RNF32: variants seen among roughly 807,000 people sequenced by gnomAD.
RNF32 encodes the protein ring finger protein 32.
In RNF32, 36 loss-of-function variants were observed where a neutral mutation model predicts 41.0. That is an observed-to-expected ratio of 0.88 (90% CI 0.67 to 1.16). RNF32 has a LOEUF of 1.16. RNF32 is among the 50% of genes most tolerant of loss of function. The pLI is 0.00. For missense variants in RNF32, 413 were observed against 436.7 expected (o/e 0.95, Z 0.48); for synonymous variants, 154 against 160.9 (o/e 0.96, Z 0.32).
At chr7:156,654,526 C>T in intron 3 of RNF32, 50 bp from the exon 4 acceptor site, 1 of 1,546,814 alleles carries the variant, frequency 6.5e-7, no homozygotes. Flanking sequence ...TAGGTGGGTG[C>T]CATATGCTAA....
chr7:156,655,360 T>C (rs1372104883), intron 4 of RNF32, among the ~76,000 whole-genome samples: 1 of 152,150 alleles, frequency 6.6e-6, no homozygotes, highest in Non-Finnish European at 1.5e-5. Context: ...AACTAAACTA[T>C]TGTCCCCTGA....
upstream of RNF32, chr7:156,640,540 G>A (rs2131293927): frequency 2.6e-6 from 1 of 382,538 alleles, no homozygotes; most frequent in South Asian, 1.9e-5. Flanking sequence ...ACGCACCTGC[G>A]TCTAGACGCT....
rs1371419088 is a variant in RNF32 at position 156,644,578 on chromosome 7, G to C, written c.95G>C (p.Arg32Pro). 2.5e-6 allele frequency: 4 copies of C among 1,612,430 alleles called. No homozygotes were observed. The highest frequency in any genetic ancestry group is 1.7e-4 in the Middle Eastern group (1 of 5,958). ...QDHILHDLQL[R>P]NLSVADHSKT... ...CACATTTTACATGATCTTCAACTTC[G>C]AAATCTTTCAGTTGCAGATCATTCT... Residue 32 changes from arginine to proline, a missense_variant, in exon 3 of 9, where the codon CGA (arginine) becomes CCA (proline). Physicochemically the swap from Arg to Pro is moderately radical, Grantham distance 103. Coordinates refer to ENST00000317955, the MANE Select transcript of RNF32 (RefSeq NM_030936.4).
chr7:156,676,139 G>A, intron 8 of RNF32: 3 of 971,288 alleles, frequency 3.1e-6, no homozygotes, highest in Non-Finnish European at 4.4e-6. Context: ...TGACGGCAAA[G>A]GTCCCTTCAG....
At position 156,644,521 on chromosome 7, in the gene RNF32, A is replaced by G; in HGVS notation, c.38A>G (p.Asn13Ser). 1.2e-6 allele frequency: 2 copies of G among 1,611,138 alleles called. No homozygotes were observed. Among genetic ancestry groups the G allele is most frequent in the South Asian group, 2.2e-5 (2 of 90,768 alleles). ...KNKGHSSKKD[N>S]LAVNAVALQD... ...TAGGGTCACTCATCTAAGAAAGATA[A>G]CTTGGCAGTCAATGCAGTTGCTTTA... Residue 13 changes from asparagine to serine, a missense_variant, in exon 3 of 9, where the codon AAC (asparagine) becomes AGC (serine). By Grantham distance (46) the Asn-to-Ser change is conservative (BLOSUM62 1). Coordinates refer to ENST00000317955, the MANE Select transcript of RNF32 (RefSeq NM_030936.4).
At chr7:156,667,307 G>T (rs527325096) in intron 7 of RNF32, among the ~76,000 whole-genome samples, 2 of 152,158 alleles carry the variant, frequency 1.3e-5, no homozygotes, top group Non-Finnish European at 2.9e-5. Flanking sequence ...CTCCTGAGTA[G>T]ACAGAGTTCA....
intron 3 of RNF32, among the ~76,000 whole-genome samples, chr7:156,652,145 T>A (rs971764376): frequency 2.0e-5 from 3 of 152,258 alleles, no homozygotes; most frequent in African/African-American, 7.2e-5. Flanking sequence ...TAATAAGGAA[T>A]CTTGATATGG....
chr7:156,674,130 AC>A (rs1803258823), intron 7 of RNF32, among the ~76,000 whole-genome samples: 1 of 152,112 alleles, frequency 6.6e-6, no homozygotes, highest in African/African-American at 2.4e-5. Context: ...TGGACAAATA[AC>A]CCCCCGAATT....
intron 7 of RNF32, among the ~76,000 whole-genome samples, chr7:156,673,038 A>C (rs1802930590): frequency 6.6e-6 from 1 of 152,252 alleles, no homozygotes; most frequent in Non-Finnish European, 1.5e-5. Context: ...ACAGATTCCC[A>C]GGAGCTGAGG....
At chr7:156,644,778 A>T in intron 3 of RNF32, 21 bp downstream of exon 3, 1 of 1,585,384 alleles carries the variant, frequency 6.3e-7, no homozygotes, top group Non-Finnish European at 8.5e-7. Context: ...GTAGTCATTC[A>T]TCTTTTGGCT....
At chr7:156,660,513 T>A (rs183427820) in intron 7 of RNF32, among the ~76,000 whole-genome samples, 1 of 152,172 alleles carries the variant, frequency 6.6e-6, no homozygotes, top group Non-Finnish European at 1.5e-5. Flanking sequence ...ACTGTATAAG[T>A]TGTTTTTTAT....
At chr7:156,653,694 T>G (rs1799113624) in intron 3 of RNF32, among the ~76,000 whole-genome samples, 4 of 152,256 alleles carry the variant, frequency 2.6e-5, no homozygotes, top group Admixed American at 2.0e-4. Context: ...GATGTTGCAG[T>G]TGCTTTTTCA....
chr7:156,650,358 C>T (rs1051789323), intron 3 of RNF32, among the ~76,000 whole-genome samples: 2 of 152,134 alleles, frequency 1.3e-5, no homozygotes, highest in African/African-American at 4.8e-5. Flanking sequence ...CATTGATAGT[C>T]TAAAAATTGG....
chr7:156,659,736 T>A, intron 7 of RNF32: 1 of 729,734 alleles, frequency 1.4e-6, no homozygotes, highest in African/African-American at 1.9e-5. Context: ...CTGGCCCAGG[T>A]TGCTGGAAAC....
rs1443857384 is a variant in RNF32, at chr7:156,654,652, T to G, written c.351T>G (p.Ser117=). ...SDEWEKVKQR[S]LLQGDSVQPC... is the part of the protein sequence containing the mutation. ...AATGGGAGAAGGTGAAACAGCGCTC[T>G]CTCCTGCAAGGGGACTCCGTGCAAC... is the stretch of plus-strand genomic sequence containing the variant. Residue 117 remains serine, a synonymous_variant, in exon 4 of 9, where the codon TCT becomes TCG. Transcript: ENST00000317955. 2 of 1,613,992 alleles carry G rather than the reference T, an allele frequency of 1.2e-6. No homozygotes were observed. Among genetic ancestry groups the G allele is most frequent in the Non-Finnish European group, 1.7e-6 (2 of 1,179,972 alleles).
intron 5 of RNF32, 163 bp downstream of exon 5, chr7:156,657,736 C>T (rs1471778849): frequency 2.9e-6 from 2 of 700,582 alleles, no homozygotes; most frequent in East Asian, 5.1e-5. Flanking sequence ...ACAATTCATC[C>T]TATTTTGAAA....
intron 4 of RNF32, 187 bp downstream of exon 4, chr7:156,654,905 TTTTG>T (rs1222020398): frequency 5.3e-5 from 27 of 510,774 alleles, no homozygotes; most frequent in Non-Finnish European, 8.0e-5. Context: ...CATTAAATAG[TTTTG>T]TTTGTTTACT....
chr7:156,643,927 T>G, intron 2 of RNF32, 35 bp downstream of exon 2: 2 of 1,564,426 alleles, frequency 1.3e-6, no homozygotes, highest in Non-Finnish European at 1.8e-6. Context: ...ACACGTTATT[T>G]GACTCATGAA....
chr7:156,653,856 C>G (rs1799160827), intron 3 of RNF32, among the ~76,000 whole-genome samples: 1 of 152,188 alleles, frequency 6.6e-6, no homozygotes, highest in Admixed American at 6.5e-5. Context: ...GTAGAGGCCA[C>G]TGGTGGCAGA....
Sources: allele counts gnomAD v4.1 joint callset (sites outside exome capture counted in the v4.1 genomes callset), GRCh38; gene constraint gnomAD v4.1.1; transcripts MANE v1.5; gene names NCBI Gene and HGNC (gene_info 2026-07-23, HGNC 2026-07-21).